DENND5B: variants seen among roughly 807,000 people sequenced by gnomAD.
The protein encoded by DENND5B is DENN domain-containing protein 5B.
Under a neutral mutation model 140.6 loss-of-function variants are expected in DENND5B, and 34 were observed. The ratio of observed to expected loss-of-function variants is 0.24; its 90% confidence interval spans 0.18 to 0.32. The LOEUF is 0.32. Ranked by LOEUF, DENND5B falls within the 10% of genes least tolerant of loss-of-function variation. The pLI, the probability that DENND5B is intolerant of heterozygous loss-of-function variation, is 1.00. For synonymous variants in DENND5B, 551 were observed against 562.1 expected, an observed-to-expected ratio of 0.98 and a Z score of 0.28; for missense variants, 1,142 against 1,560.2, an observed-to-expected ratio of 0.73 and a Z score of 4.52.
At chr12:31,477,227 TA>T (rs142418446) in intron 3 of DENND5B, among the ~76,000 whole-genome samples, 88 of 145,122 alleles carry the variant, frequency 6.1e-4, no homozygotes, top group Non-Finnish European at 6.8e-4. Context: ...GACTCTGTCT[TA>T]AAAAAAAAAA....
chr12:31,406,610 T>G (rs900694006), intron 14 of DENND5B, among the ~76,000 whole-genome samples: 1 of 152,138 alleles, frequency 6.6e-6, no homozygotes, highest in African/African-American at 2.4e-5. Context: ...AAAAGGCATG[T>G]TTAGGGTCAG....
intron 1 of DENND5B, among the ~76,000 whole-genome samples, chr12:31,521,055 A>G (rs1405395905): frequency 4.6e-5 from 7 of 152,174 alleles, no homozygotes; most frequent in Middle Eastern, 6.8e-3. Flanking sequence ...ACATGTGGCT[A>G]AGTGGCTCCC....
intron 19 of DENND5B, 81 bp from the exon 20 acceptor site, chr12:31,389,579 G>C: frequency 7.4e-7 from 1 of 1,355,758 alleles, no homozygotes; most frequent in Non-Finnish European, 1.0e-6. Flanking sequence ...ATTTATTATG[G>C]AAACACTAAC....
At chr12:31,562,725 TAATG>T (rs1232317855) in intron 1 of DENND5B, among the ~76,000 whole-genome samples, 1 of 152,208 alleles carries the variant, frequency 6.6e-6, no homozygotes, top group Non-Finnish European at 1.5e-5. Flanking sequence ...AAATAATAGA[TAATG>T]AAAGCAACCA....
intron 5 of DENND5B, among the ~76,000 whole-genome samples, chr12:31,449,735 T>TTTTGTTG (rs200616818): frequency 0.42 from 58,548 of 138,024 alleles, 13,104 homozygotes; most frequent in Admixed American, 0.59. Context: ...AGATTAGTTT[T>TTTTGTTG]TTTTTTTTTT....
chr12:31,504,932 T>C (rs1304617924), intron 1 of DENND5B, among the ~76,000 whole-genome samples: 2 of 152,154 alleles, frequency 1.3e-5, no homozygotes, highest in Non-Finnish European at 2.9e-5. Flanking sequence ...GTTCTCAAAG[T>C]GGAAGAAAGT....
At chr12:31,562,981 C>A (rs1000930102) in intron 1 of DENND5B, among the ~76,000 whole-genome samples, 4 of 151,904 alleles carry the variant, frequency 2.6e-5, no homozygotes, top group Admixed American at 1.3e-4. Flanking sequence ...GCTTCCTCTG[C>A]CCCTAAGCAA....
intron 1 of DENND5B, among the ~76,000 whole-genome samples, chr12:31,567,505 C>CA (rs1201826327): frequency 1.1e-4 from 12 of 112,354 alleles, no homozygotes; most frequent in East Asian, 5.6e-4. Context: ...CCAGCCTGGG[C>CA]AACAGAGCAA....
At chr12:31,590,446 C>T (rs1255335038) in intron 1 of DENND5B, 3 of 306,432 alleles carry the variant, frequency 9.8e-6, no homozygotes, top group Non-Finnish European at 1.7e-5. Flanking sequence ...GGTCCGTGCC[C>T]TTGGGGCCAC....
At chr12:31,466,535 A>C (rs529129667) in intron 3 of DENND5B, among the ~76,000 whole-genome samples, 3 of 152,148 alleles carry the variant, frequency 2.0e-5, no homozygotes, top group African/African-American at 7.2e-5. Flanking sequence ...TCTACTAAAA[A>C]TACAAAAATT....
chr12:31,500,304 G>C (rs1215154491), intron 1 of DENND5B: 2 of 431,992 alleles, frequency 4.6e-6, no homozygotes, highest in East Asian at 7.3e-5. Flanking sequence ...TCAAATTTTG[G>C]AGTATTCTGG....
chr12:31,421,359 A>G (rs1943015773), intron 11 of DENND5B, among the ~76,000 whole-genome samples: 1 of 152,064 alleles, frequency 6.6e-6, no homozygotes, highest in South Asian at 2.1e-4. Flanking sequence ...ATAAATCTTT[A>G]AGGATCTTTC....
rs753805322 is a variant in DENND5B, at chr12:31,495,912, A to G, written c.135T>C (p.Asn45=). The change falls in exon 2 of 21, where the codon AAT becomes AAC. Residue 45 remains asparagine, a synonymous_variant. Transcript: ENST00000389082. ...TTCTTCTCAAAGGACTCTGGTCAAA[A>G]TTTTCGCCTACAACAAATAATACAT... ...GLEPDELAGE[N]FDQSPLRRTF... is the part of the protein sequence containing the mutation. The G allele has an allele frequency of 2.9e-5, 46 of 1,605,378 alleles. No homozygotes were observed. The highest frequency in any genetic ancestry group is 3.5e-5 in the Non-Finnish European group (41 of 1,175,970).
rs1167622201 is a variant in DENND5B, at chr12:31,484,012, C to T, written c.238-3757G>A. Among the ~76,000 whole-genome samples the T allele has an allele frequency of 4.0e-5, 6 of 151,626 alleles. No homozygotes were observed. The East Asian group carries it at 7.9e-4, about 20-fold the overall frequency. ...GGGACTACAGGCCTGCACCACCATG[C>T]CCAGCTAATTTTGTGTTTTTAGTAG... On this transcript the variant is annotated intron_variant, in intron 2 of 20. Transcript: ENST00000389082.
chr12:31,433,119 T>C, intron 8 of DENND5B, 36 bp downstream of exon 8: 1 of 1,578,872 alleles, frequency 6.3e-7, no homozygotes, highest in Non-Finnish European at 8.7e-7. Context: ...TTCATGGCGC[T>C]TGCTGTGAGG....
At chr12:31,422,052 C>G (rs904489485) in intron 11 of DENND5B, among the ~76,000 whole-genome samples, 7 of 152,076 alleles carry the variant, frequency 4.6e-5, no homozygotes, top group Non-Finnish European at 1.0e-4. Context: ...CACTAGGTTT[C>G]TAACAATAAA....
chr12:31,420,776 G>A (rs1942985432), intron 11 of DENND5B, among the ~76,000 whole-genome samples: 2 of 152,094 alleles, frequency 1.3e-5, no homozygotes, highest in Admixed American at 6.6e-5. Flanking sequence ...AAACTTTTGA[G>A]TGATATGTCA....
chr12:31,412,505 A>G (rs1389938942), intron 13 of DENND5B, among the ~76,000 whole-genome samples: 1 of 152,170 alleles, frequency 6.6e-6, no homozygotes, highest in East Asian at 1.9e-4. Flanking sequence ...GATCCCTCAC[A>G]TGCGCAGTTC....
intron 3 of DENND5B, among the ~76,000 whole-genome samples, chr12:31,461,249 T>G (rs1422377671): frequency 6.6e-6 from 1 of 152,172 alleles, no homozygotes; most frequent in Non-Finnish European, 1.5e-5. Flanking sequence ...GCCTTTATTT[T>G]GGGGGTACAA....
Sources: gnomAD v4.1 joint callset for allele counts (sites outside exome capture counted in the v4.1 genomes callset) on GRCh38, gnomAD v4.1.1 for gene constraint, MANE v1.5 for transcripts, NCBI Gene and HGNC (gene_info 2026-07-23, HGNC 2026-07-21) for gene names.